The following UNC13A variants were observed in gnomAD, a reference collection of about 807,000 sequenced individuals.
UNC13A encodes the protein unc-13 homolog A.
A neutral mutation model predicts 219.7 loss-of-function variants in UNC13A; 61 were observed. The observed-to-expected ratio is 0.28, with a 90% CI of 0.23 to 0.34. The LOEUF is 0.34. Ranked by LOEUF, UNC13A falls within the 10% of genes least tolerant of loss-of-function variation. UNC13A has a pLI of 1.00. For missense variants in UNC13A, 1,476 were observed against 2,270.3 expected (o/e 0.65, Z 7.11); for synonymous variants, 920 against 884.6 (o/e 1.04, Z -0.71).
Position 17,668,150 on chromosome 19 carries a change from C to A in UNC13A, c.435G>T (p.Leu145=), listed in dbSNP as rs1301747296. ...EEEARYWAKK[L]EQLNAMRDQD... ...GGTCCCGCATAGCATTGAGCTGCTC[C>A]AGCTTCTTGGCCCAGTAGCGAGCCT... The change falls in exon 6 of 44, where the codon CTG becomes CTT. Residue 145 remains leucine, a synonymous_variant. Coordinates refer to ENST00000519716, the MANE Select transcript of UNC13A (RefSeq NM_001080421.3). 1 of 1,613,862 alleles carries A rather than the reference C, an allele frequency of 6.2e-7. No homozygotes were observed. Among genetic ancestry groups the A allele is most frequent in the Non-Finnish European group, 8.5e-7 (1 of 1,179,812 alleles).
Position 17,683,860 on chromosome 19 carries a change from G to C in UNC13A, c.22+4318C>G, listed in dbSNP as rs549288652. Among the ~76,000 whole-genome samples, 8 of 152,056 alleles carry C rather than the reference G, an allele frequency of 5.3e-5. No individual in the cohort carries two copies. The South Asian group carries it at 1.7e-3, about 32-fold the overall frequency. ...TCCTAGCACTTTGGGAGGCTGAGGA[G>C]GGTGAATCACTTGAGCCCAGGAGTT... On this transcript the variant is annotated intron_variant, in intron 1 of 43. Transcript: ENST00000519716.
chr19:17,674,539 A>G lies in UNC13A; in HGVS notation c.152+118T>C, dbSNP rs2079858920. 1.3e-6 allele frequency: 1 copy of G among 787,684 alleles called. No individual in the cohort carries two copies. The highest frequency in any genetic ancestry group is 2.1e-6 in the Non-Finnish European group (1 of 470,274). 48.8% of individuals were successfully genotyped at this position (787,684 alleles called of 1,614,324 possible). A position where few individuals can be genotyped will look rare whatever the true frequency, so the allele number is the denominator to read the frequency against. ...TGAAGGTGATAAGGTGGACAGGGGA[A>G]GAGGGAGGACAGAGGGGAGTCACCC... On this transcript the variant is annotated intron_variant, in intron 3 of 43. Coordinates refer to ENST00000519716, the MANE Select transcript of UNC13A (RefSeq NM_001080421.3). This position sits in a 1 kb window ranked among gnomAD's most constrained non-coding sequence, Gnocchi z 5.0.
chr19:17,653,579 C>G (rs1250382200), intron 11 of UNC13A, among the ~76,000 whole-genome samples: 2 of 151,880 alleles, frequency 1.3e-5, no homozygotes, highest in Non-Finnish European at 2.9e-5. Flanking sequence ...GAACTCCTGA[C>G]CTCAGGTGAT....
Position 17,674,796 on chromosome 19 carries a change from G to A in UNC13A, c.53-40C>T. ...GTAGGGGTCAGCGCTGGGGCTCAGG[G>A]ACTCTCCAATGCCCCTTCCCAAGCT... On this transcript the variant is annotated intron_variant, in intron 2 of 43. Coordinates refer to ENST00000519716, the MANE Select transcript of UNC13A (RefSeq NM_001080421.3). This position sits in a 1 kb window ranked among gnomAD's most constrained non-coding sequence, Gnocchi z 5.0. The A allele has an allele frequency of 1.3e-6, 2 of 1,544,682 alleles. No individual in the cohort carries two copies. The highest frequency in any genetic ancestry group is 2.2e-5 in the South Asian group (2 of 89,652).
intron 28 of UNC13A, 55 bp downstream of exon 28, chr19:17,632,727 C>A: frequency 6.2e-7 from 1 of 1,611,740 alleles, no homozygotes; most frequent in Non-Finnish European, 8.5e-7. Context: ...GGCTTTCCTT[C>A]TAGCTGTCAG....
At chr19:17,678,844 G>A (rs2079951911) in intron 1 of UNC13A, among the ~76,000 whole-genome samples, 1 of 152,094 alleles carries the variant, frequency 6.6e-6, no homozygotes, top group Non-Finnish European at 1.5e-5. Context: ...GCTGAGAAAG[G>A]CACCCACAGC....
rs2079440487 is a variant in UNC13A, at chr19:17,655,880, T to C, written c.1283+3A>G. The C allele has an allele frequency of 6.6e-7, 1 of 1,516,306 alleles. No homozygotes were observed. The highest frequency in any genetic ancestry group is 1.4e-5 in the African/African-American group (1 of 71,730). 93.9% of individuals were successfully genotyped at this position (1,516,306 alleles called of 1,614,324 possible). ...CTCTGGCCCCTTGGCCCCGTCCTGT[T>C]ACCTCTCCTCGTCCTTGGGTGGCTC... On this transcript the variant is annotated splice_donor_region_variant and intron_variant, in intron 10 of 43. Transcript: ENST00000519716.
rs1023551024 is a variant in UNC13A at position 17,688,353 on chromosome 19, G to A, written c.-154C>T. On this transcript the variant is annotated 5_prime_UTR_variant, in exon 1 of 44. Transcript: ENST00000519716. ...CGGCCATCTTGGTTCAGCACCGGGG[G>A]CGCGGACAGCGCCTGACGTGGCGCT... 2 of 1,292,500 alleles carry A rather than the reference G, an allele frequency of 1.5e-6. No homozygotes were observed. Among genetic ancestry groups the A allele is most frequent in the Admixed American group, 8.7e-5 (2 of 23,120 alleles). The allele number at this position is 1,292,500 out of a possible 1,614,324, so 80.1% of individuals were successfully genotyped here.
At chr19:17,683,945 AG>A (rs1375694416) in intron 1 of UNC13A, among the ~76,000 whole-genome samples, 1 of 151,926 alleles carries the variant, frequency 6.6e-6, no homozygotes, top group Non-Finnish European at 1.5e-5. Flanking sequence ...AAAAGAAAAA[AG>A]TCAGCCGGGT....
chr19:17,686,155 T>A (rs1306115794), intron 1 of UNC13A, among the ~76,000 whole-genome samples: 1 of 151,490 alleles, frequency 6.6e-6, no homozygotes, highest in Non-Finnish European at 1.5e-5. Flanking sequence ...CCCCTCCCTG[T>A]AAAGTCCACA....
chr19:17,607,170 A>C (rs1568495097), intron 43 of UNC13A, among the ~76,000 whole-genome samples: 3 of 152,152 alleles, frequency 2.0e-5, no homozygotes, highest in Non-Finnish European at 2.9e-5. Context: ...AACTGGCTTC[A>C]ATCTTGTCCC....
In UNC13A at chr19:17,624,969, G is replaced by A; in HGVS notation, c.4074-17C>T. The stretch of plus-strand genomic sequence containing the variant: ...AGGGTCAGGCTGGGGACGAGGGGCA[G>A]GTCTGAGAGAGGGCCCAGCTCGCCC... On this transcript the variant is annotated splice_polypyrimidine_tract_variant and intron_variant, in intron 34 of 43. Transcript: ENST00000519716. 1.2e-6 allele frequency: 2 copies of A among 1,608,710 alleles called. No individual in the cohort carries two copies. Among genetic ancestry groups the A allele is most frequent in the Admixed American group, 1.7e-5 (1 of 59,486 alleles).
intron 25 of UNC13A, 53 bp from the exon 26 acceptor site, chr19:17,636,210 C>T (rs1385954349): frequency 6.5e-6 from 10 of 1,530,016 alleles, no homozygotes; most frequent in African/African-American, 1.4e-5. Flanking sequence ...GTTGGTGCCT[C>T]GGTCAGTTTA....
chr19:17,663,615 T>A (rs375497861), intron 7 of UNC13A, 48 bp from the exon 8 acceptor site: 1 of 1,572,086 alleles, frequency 6.4e-7, no homozygotes, highest in African/African-American at 1.4e-5. Context: ...GACAGAGGGG[T>A]GGGTGTAGGA....
At chr19:17,651,271 A>C (rs1360919084) in intron 12 of UNC13A, among the ~76,000 whole-genome samples, 3 of 148,896 alleles carry the variant, frequency 2.0e-5, no homozygotes, top group African/African-American at 7.5e-5. Context: ...ATTCTTTTGT[A>C]GAGATGGGGG....
chr19:17,667,268 A>AAG (rs1415487047), intron 6 of UNC13A, among the ~76,000 whole-genome samples: 3 of 150,964 alleles, frequency 2.0e-5, no homozygotes, highest in African/African-American at 7.3e-5. Flanking sequence ...AAAAAAAAAA[A>AAG]AGATGGGAAC....
At chr19:17,671,461 G>GA (rs1335704995) in intron 4 of UNC13A, among the ~76,000 whole-genome samples, 1 of 152,064 alleles carries the variant, frequency 6.6e-6, no homozygotes, top group Non-Finnish European at 1.5e-5. Flanking sequence ...GGATTGGGCT[G>GA]TGGGGACAGA....
intron 1 of UNC13A, among the ~76,000 whole-genome samples, chr19:17,680,107 G>A (rs1292624720): frequency 1.3e-5 from 2 of 151,424 alleles, no homozygotes; most frequent in Admixed American, 6.6e-5. Flanking sequence ...GGAGGGAAGG[G>A]TGTTCGCGGT....
intron 33 of UNC13A, 76 bp from the exon 34 acceptor site, chr19:17,626,861 G>A: frequency 6.6e-7 from 1 of 1,515,072 alleles, no homozygotes; most frequent in Non-Finnish European, 8.9e-7. Flanking sequence ...TGTGGTCCTT[G>A]AGGTCATATC....
Sources: gnomAD v4.1 joint callset for allele counts (sites outside exome capture counted in the v4.1 genomes callset) on GRCh38, gnomAD v4.1.1 for gene constraint, Gnocchi (gnomAD v3.1) non-coding constraint, MANE v1.5 for transcripts, NCBI Gene and HGNC (gene_info 2026-07-23, HGNC 2026-07-21) for gene names.